PHACTR1: variants seen among roughly 807,000 people sequenced by gnomAD.
The protein encoded by PHACTR1 is phosphatase and actin regulator 1.
In PHACTR1, 16 loss-of-function variants were observed where a neutral mutation model predicts 69.2. The observed-to-expected ratio is 0.23, with a 90% CI of 0.16 to 0.35. The LOEUF is 0.35. Among genes scored for constraint, PHACTR1 ranks in the 10% least tolerant of loss-of-function variants. The pLI is 1.00. For missense variants in PHACTR1, 510 were observed against 734.7 expected, an observed-to-expected ratio of 0.69 and a Z score of 3.54; for synonymous variants, 312 against 284.5, an observed-to-expected ratio of 1.10 and a Z score of -0.97.
chr6:13,127,202 C>T (rs780289783), intron 5 of PHACTR1, among the ~76,000 whole-genome samples: 13 of 152,130 alleles, frequency 8.5e-5, no homozygotes, highest in African/African-American at 2.2e-4. Context: ...CTTTGCTTGA[C>T]GATAAGAATA....
chr6:13,073,326 C>T (rs569477798), intron 5 of PHACTR1, among the ~76,000 whole-genome samples: 1 of 129,938 alleles, frequency 7.7e-6, no homozygotes, highest in African/African-American at 2.8e-5. Flanking sequence ...CCAATCATTC[C>T]ATGAATTTTT....
chr6:12,788,431 T>C (rs1220695758), intron 4 of PHACTR1, among the ~76,000 whole-genome samples: 6 of 152,186 alleles, frequency 3.9e-5, no homozygotes, highest in Non-Finnish European at 5.9e-5. Flanking sequence ...GAGGACCTCA[T>C]AGGTGATGGA....
chr6:13,123,210 T>A (rs1005137759), intron 5 of PHACTR1, among the ~76,000 whole-genome samples: 2 of 152,188 alleles, frequency 1.3e-5, no homozygotes, highest in African/African-American at 2.4e-5. Flanking sequence ...AGGTAATGAC[T>A]TAGGAGAGAA....
intron 4 of PHACTR1, among the ~76,000 whole-genome samples, chr6:12,813,383 A>G (rs891125448): frequency 6.6e-6 from 1 of 152,172 alleles, no homozygotes; most frequent in Non-Finnish European, 1.5e-5. Flanking sequence ...AAAACTTCAC[A>G]TATGTGTGCA....
chr6:12,937,638 G>A (rs1278623002), intron 4 of PHACTR1, among the ~76,000 whole-genome samples: 1 of 152,170 alleles, frequency 6.6e-6, no homozygotes, highest in Non-Finnish European at 1.5e-5. Context: ...AAGGTCTAAA[G>A]AGTGACTGGG....
intron 10 of PHACTR1, among the ~76,000 whole-genome samples, chr6:13,257,681 C>G (rs1775367939): frequency 6.6e-6 from 1 of 152,146 alleles, no homozygotes; most frequent in Non-Finnish European, 1.5e-5. Flanking sequence ...TTCCTTATTG[C>G]TCAGTGACCT....
chr6:12,816,259 C>T (rs761389846), intron 4 of PHACTR1, among the ~76,000 whole-genome samples: 14 of 152,188 alleles, frequency 9.2e-5, no homozygotes, highest in Non-Finnish European at 2.1e-4. Flanking sequence ...AACCACTTAC[C>T]CTCTTGTGGG....
rs762758431 is a variant in PHACTR1, at chr6:13,061,588, G to A, written c.415+8059G>A. 1.2e-4 allele frequency among the ~76,000 whole-genome samples: 19 copies of A among 152,088 alleles called. 1 individual carries two copies. In the South Asian group the frequency reaches 2.5e-3, roughly 20 times the overall value. ...AGATACAAACTCAAACCATGGGAGT[G>A]GACAGCTGAGGTGGAGGAATAAGTT... On this transcript the variant is annotated intron_variant, in intron 5 of 14. Coordinates refer to ENST00000332995, the MANE Select transcript of PHACTR1 (RefSeq NM_030948.6).
At chr6:12,808,426 C>A (rs949572743) in intron 4 of PHACTR1, among the ~76,000 whole-genome samples, 3 of 152,008 alleles carry the variant, frequency 2.0e-5, no homozygotes, top group Non-Finnish European at 4.4e-5. Flanking sequence ...AAAATTTATC[C>A]CAATTTAATA....
intron 5 of PHACTR1, among the ~76,000 whole-genome samples, chr6:13,156,521 T>C (rs1351540133): frequency 6.6e-6 from 1 of 152,230 alleles, no homozygotes; most frequent in Non-Finnish European, 1.5e-5. Context: ...TCTCCCTGTG[T>C]CATAAGGAAT....
chr6:12,849,263 C>T (rs1779588732), intron 4 of PHACTR1, among the ~76,000 whole-genome samples: 1 of 152,190 alleles, frequency 6.6e-6, no homozygotes, highest in Non-Finnish European at 1.5e-5. Flanking sequence ...GCAGAGCCCT[C>T]ACAATTAACA....
intron 5 of PHACTR1, among the ~76,000 whole-genome samples, chr6:13,094,546 CTCGGCCTCCCA>C (rs1813839273): frequency 6.6e-6 from 1 of 152,062 alleles, no homozygotes; most frequent in African/African-American, 2.4e-5. Context: ...ATCTGCCTGC[CTCGGCCTCCCA>C]AAGTGCTGAG....
intron 4 of PHACTR1, among the ~76,000 whole-genome samples, chr6:13,047,895 G>C (rs1042029745): frequency 6.6e-6 from 1 of 152,104 alleles, no homozygotes; most frequent in Admixed American, 6.5e-5. Context: ...CCCCGGCCCA[G>C]CTCCTCCCGC....
chr6:13,231,291 AG>A (rs1180595986), intron 10 of PHACTR1, among the ~76,000 whole-genome samples: 1 of 31,782 alleles, frequency 3.1e-5, no homozygotes, highest in Admixed American at 4.7e-4. Flanking sequence ...AAAGAGAAAG[AG>A]AGAGCGAAAG....
intron 5 of PHACTR1, among the ~76,000 whole-genome samples, chr6:13,126,902 GT>G (rs1239474192): frequency 1.3e-5 from 2 of 152,282 alleles, no homozygotes; most frequent in Non-Finnish European, 2.9e-5. Context: ...TTCTTTTCAA[GT>G]TTTTTGGCTG....
intron 4 of PHACTR1, among the ~76,000 whole-genome samples, chr6:12,931,046 G>T (rs1788817597): frequency 6.6e-6 from 1 of 150,758 alleles, no homozygotes; most frequent in African/African-American, 2.4e-5. Flanking sequence ...AAATGCACAG[G>T]ACAGCCATGT....
intron 4 of PHACTR1, among the ~76,000 whole-genome samples, chr6:12,860,004 C>CATTATT (rs1554153463): frequency 6.6e-6 from 1 of 151,334 alleles, no homozygotes; most frequent in African/African-American, 2.4e-5. Flanking sequence ...TCATCATCAT[C>CATTATT]ATTATTATTA....
At chr6:12,768,792 A>G (rs577955011) in intron 4 of PHACTR1, among the ~76,000 whole-genome samples, 12 of 149,750 alleles carry the variant, frequency 8.0e-5, no homozygotes. Context: ...ATGAATGGAT[A>G]AAGAAAATGT....
intron 4 of PHACTR1, among the ~76,000 whole-genome samples, chr6:12,960,137 C>T (rs1352257867): frequency 6.6e-6 from 1 of 152,184 alleles, no homozygotes; most frequent in Non-Finnish European, 1.5e-5. Context: ...GTTTGTTGAT[C>T]TTTCTAAGGC....
Sources: gnomAD v4.1 joint callset for allele counts (sites outside exome capture counted in the v4.1 genomes callset) on GRCh38, gnomAD v4.1.1 for gene constraint, MANE v1.5 for transcripts, NCBI Gene and HGNC (gene_info 2026-07-23, HGNC 2026-07-21) for gene names.